The following KIAA1217 variants were observed in gnomAD, a reference collection of about 807,000 sequenced individuals.
The protein encoded by KIAA1217 is sickle tail protein homolog.
Under a neutral mutation model 163.9 loss-of-function variants are expected in KIAA1217, and 88 were observed. That is an observed-to-expected ratio of 0.54 (90% CI 0.45 to 0.64). The LOEUF (loss-of-function observed/expected upper bound fraction) is 0.64. KIAA1217 is among the 30% of genes least tolerant of loss of function. KIAA1217 has a pLI of 0.00. For missense variants in KIAA1217, 2,372 were observed against 2,475.0 expected (o/e 0.96, Z 0.88); for synonymous variants, 903 against 923.1 (o/e 0.98, Z 0.39).
At chr10:23,765,495 C>T (rs567470447) in intron 1 of KIAA1217, among the ~76,000 whole-genome samples, 284 of 152,186 alleles carry the variant, frequency 1.9e-3, no homozygotes, top group Non-Finnish European at 3.1e-3. Context: ...CTTTATCACC[C>T]CTTTGCCATC....
At chr10:24,387,274 C>T (rs1232308056) in intron 3 of KIAA1217, among the ~76,000 whole-genome samples, 1 of 152,156 alleles carries the variant, frequency 6.6e-6, no homozygotes, top group African/African-American at 2.4e-5. Context: ...AAACATAATC[C>T]ATCATATAAA....
intron 1 of KIAA1217, among the ~76,000 whole-genome samples, chr10:23,904,691 G>A (rs958661797): frequency 2.0e-5 from 3 of 152,206 alleles, no homozygotes; most frequent in Middle Eastern, 3.4e-3. Context: ...AAGTCACGTG[G>A]CTACATCTGA....
chr10:24,016,482 T>C (rs1487533934), intron 2 of KIAA1217, among the ~76,000 whole-genome samples: 1 of 152,098 alleles, frequency 6.6e-6, no homozygotes, highest in African/African-American at 2.4e-5. Flanking sequence ...TAGTGTTCAA[T>C]GAAACTAACT....
At chr10:24,262,363 C>T (rs977174982) in intron 2 of KIAA1217, among the ~76,000 whole-genome samples, 8 of 152,000 alleles carry the variant, frequency 5.3e-5, no homozygotes, top group African/African-American at 1.5e-4. Flanking sequence ...CGTGGTGGCT[C>T]ACACCTGTAA....
chr10:24,150,655 A>C (rs2064566272), intron 2 of KIAA1217, among the ~76,000 whole-genome samples: 1 of 152,170 alleles, frequency 6.6e-6, no homozygotes, highest in Non-Finnish European at 1.5e-5. Context: ...TTTATAGATA[A>C]TCAACTGGAT....
At chr10:24,210,418 G>T (rs1050691752) in intron 1 of KIAA1217, among the ~76,000 whole-genome samples, 3 of 152,112 alleles carry the variant, frequency 2.0e-5, no homozygotes, top group African/African-American at 7.2e-5. Context: ...GGCTACCGGG[G>T]TCAGTGGCAT....
At chr10:24,033,192 T>TA (rs1469216477) in intron 2 of KIAA1217, among the ~76,000 whole-genome samples, 2 of 152,222 alleles carry the variant, frequency 1.3e-5, no homozygotes, top group African/African-American at 4.8e-5. Flanking sequence ...TTTACTGAAA[T>TA]AAAAAAATGC....
At chr10:24,324,449 C>A (rs1210435208) in intron 2 of KIAA1217, among the ~76,000 whole-genome samples, 1 of 152,196 alleles carries the variant, frequency 6.6e-6, no homozygotes, top group African/African-American at 2.4e-5. Flanking sequence ...CTCCTGTAAT[C>A]CTAGCTACTG....
At chr10:23,873,470 C>T (rs1208192611) in intron 1 of KIAA1217, among the ~76,000 whole-genome samples, 5 of 151,940 alleles carry the variant, frequency 3.3e-5, no homozygotes, top group Non-Finnish European at 5.9e-5. Flanking sequence ...ATACTGCATC[C>T]GGCCTTACTC....
upstream of KIAA1217, among the ~76,000 whole-genome samples, chr10:24,208,002 C>A (rs2130568556): frequency 6.6e-6 from 1 of 151,692 alleles, no homozygotes; most frequent in Admixed American, 6.6e-5. Flanking sequence ...TCCTTTTTTA[C>A]CCCTCCTGTG....
chr10:23,795,461 T>G (rs1199544282), intron 1 of KIAA1217, among the ~76,000 whole-genome samples: 1 of 152,190 alleles, frequency 6.6e-6, no homozygotes, highest in Non-Finnish European at 1.5e-5. Context: ...CTGCTAATGC[T>G]TAAGACCTGA....
At chr10:23,726,979 C>CTTTTTTTTTTTTTTTTTTTTTTT (rs1012125050) in intron 1 of KIAA1217, among the ~76,000 whole-genome samples, 4 of 93,420 alleles carry the variant, frequency 4.3e-5, no homozygotes, top group African/African-American at 1.9e-4. Flanking sequence ...GTATAGGCCT[C>CTTTTTTTTTTTTTTTTTTTTTTT]TTTTTTTTTT....
chr10:24,291,686 C>T lies in KIAA1217; in HGVS notation c.354+71777C>T, dbSNP rs971942498. ...CATCAGAAGTATGCTTTTGGTCACA[C>T]TACACCATTTTTTTATACCACCATA... On this transcript the variant is annotated intron_variant, in intron 2 of 20. Transcript: ENST00000376454. Among the ~76,000 whole-genome samples the T allele has an allele frequency of 2.6e-5, 4 of 152,094 alleles. No homozygotes were observed. In the East Asian group the frequency reaches 5.8e-4, roughly 22 times the overall value.
intron 5 of KIAA1217, among the ~76,000 whole-genome samples, chr10:24,466,114 C>T (rs1171847499): frequency 1.3e-5 from 2 of 152,134 alleles, no homozygotes; most frequent in Non-Finnish European, 2.9e-5. Flanking sequence ...CTTACGTTTC[C>T]TTCAGCTGCC....
rs542496544 is a variant in KIAA1217, at chr10:24,292,233, A to C, written c.354+72324A>C. Among the ~76,000 whole-genome samples the C allele has an allele frequency of 2.0e-5, 3 of 152,368 alleles. No individual in the cohort carries two copies. The East Asian group carries it at 5.8e-4, about 29-fold the overall frequency. ...AGTTTGCAGTTGAGGTTAAGTGGTC[A>C]TGGCAGTTTACCGTGGACATTGTTT... is the stretch of plus-strand genomic sequence containing the variant. On this transcript the variant is annotated intron_variant, in intron 2 of 20. Transcript: ENST00000376454.
At chr10:23,919,785 C>G (rs1842784505) in intron 1 of KIAA1217, among the ~76,000 whole-genome samples, 1 of 152,034 alleles carries the variant, frequency 6.6e-6, no homozygotes, top group South Asian at 2.1e-4. Context: ...TCGGTGCTAC[C>G]CAAAGAGAGC....
intron 2 of KIAA1217, among the ~76,000 whole-genome samples, chr10:24,115,056 A>T (rs982100473): frequency 6.6e-6 from 1 of 152,162 alleles, no homozygotes; most frequent in Non-Finnish European, 1.5e-5. Context: ...ACCTCAGCCC[A>T]GTTTTTCTAC....
At chr10:24,382,086 G>A (rs1217098439) in intron 3 of KIAA1217, among the ~76,000 whole-genome samples, 10 of 149,558 alleles carry the variant, frequency 6.7e-5, no homozygotes, top group African/African-American at 1.2e-4. Context: ...TTTTTTTGGC[G>A]CTTTAACAAA....
At chr10:24,284,815 A>G (rs1203420686) in intron 2 of KIAA1217, among the ~76,000 whole-genome samples, 5 of 152,214 alleles carry the variant, frequency 3.3e-5, no homozygotes, top group African/African-American at 1.2e-4. Context: ...GAAATCTCCA[A>G]ACTGCTTTCC....
Sources: gnomAD v4.1 joint callset for allele counts (sites outside exome capture counted in the v4.1 genomes callset) on GRCh38, gnomAD v4.1.1 for gene constraint, MANE v1.5 for transcripts, NCBI Gene and HGNC (gene_info 2026-07-23, HGNC 2026-07-21) for gene names.